Variants in TAFA1 observed in about 807,000 individuals in gnomAD.
The protein encoded by TAFA1 is TAFA chemokine like family member 1, also known as chemokine-like protein TAFA-1.
Under a neutral mutation model 18.5 loss-of-function variants are expected in TAFA1, and 4 were observed. The ratio of observed to expected loss-of-function variants is 0.22; its 90% CI spans 0.11 to 0.49. TAFA1 has a LOEUF of 0.49. Ranked by LOEUF, TAFA1 falls within the 20% of genes least tolerant of loss-of-function variation. The pLI is 0.98. For synonymous variants in TAFA1, 56 were observed against 55.2 expected, an observed-to-expected ratio of 1.01 and a Z score of -0.06; for missense variants, 147 against 169.0, an observed-to-expected ratio of 0.87 and a Z score of 0.72.
chr3:68,229,074 A>G (rs1463803655), intron 2 of TAFA1, among the ~76,000 whole-genome samples: 1 of 152,206 alleles, frequency 6.6e-6, no homozygotes, highest in African/African-American at 2.4e-5. Context: ...TTTAAAAAAC[A>G]GGAGGCTTCA....
intron 2 of TAFA1, among the ~76,000 whole-genome samples, chr3:68,220,727 G>A (rs2066719033): frequency 6.6e-6 from 1 of 152,124 alleles, no homozygotes; most frequent in Non-Finnish European, 1.5e-5. Context: ...AAGATGGATT[G>A]TGGTCTTTGG....
chr3:68,338,374 T>C (rs2069013119), intron 2 of TAFA1, among the ~76,000 whole-genome samples: 1 of 152,246 alleles, frequency 6.6e-6, no homozygotes, highest in Non-Finnish European at 1.5e-5. Flanking sequence ...GTTTCTGAGT[T>C]TAAACAAAAA....
At chr3:68,265,452 A>C (rs1322543310) in intron 2 of TAFA1, among the ~76,000 whole-genome samples, 1 of 152,196 alleles carries the variant, frequency 6.6e-6, no homozygotes, top group Non-Finnish European at 1.5e-5. Flanking sequence ...CATCCTACCA[A>C]GACCAGCTTT....
chr3:68,068,712 G>A (rs1429625685), intron 2 of TAFA1, among the ~76,000 whole-genome samples: 1 of 152,094 alleles, frequency 6.6e-6, no homozygotes, highest in Non-Finnish European at 1.5e-5. Context: ...GGTTCTAGTA[G>A]CGTGGTTTGT....
chr3:68,247,455 A>C (rs541713366), intron 2 of TAFA1: 21 of 152,242 alleles, frequency 1.4e-4, no homozygotes, highest in African/African-American at 5.1e-4. Flanking sequence ...TCAGTTTTGC[A>C]GTGCTTTTTG....
intron 2 of TAFA1, among the ~76,000 whole-genome samples, chr3:68,352,681 A>C (rs188188173): frequency 6.6e-6 from 1 of 152,062 alleles, no homozygotes. Context: ...GGCATGACAT[A>C]TTCTGGTTTC....
At position 68,500,875 on chromosome 3, in the gene TAFA1, G is replaced by A. The variant is rs78515695; in HGVS notation, c.260-37881G>A. Among the ~76,000 whole-genome samples, 11 of 152,028 alleles carry A rather than the reference G, an allele frequency of 7.2e-5. No individual in the cohort carries two copies. The East Asian group carries it at 2.1e-3, about 30-fold the overall frequency. On this transcript the variant is annotated intron_variant, in intron 3 of 4. Transcript: ENST00000478136. ...ATTGAGATTCAGCTATCAAAAGAGG[G>A]GGAAAATGGGCCAGGCATGGTGGCT...
At chr3:68,490,807 A>G (rs1410307555) in intron 3 of TAFA1, among the ~76,000 whole-genome samples, 1 of 151,790 alleles carries the variant, frequency 6.6e-6, no homozygotes, top group East Asian at 1.9e-4. Context: ...GAACAAAGTT[A>G]TTTAGAATCC....
At chr3:68,442,072 T>C (rs2071394026) in intron 3 of TAFA1, among the ~76,000 whole-genome samples, 1 of 152,210 alleles carries the variant, frequency 6.6e-6, no homozygotes, top group South Asian at 2.1e-4. Flanking sequence ...CTGCCCATTA[T>C]GCAGTTGCAA....
At chr3:68,501,062 C>T (rs888976197) in intron 3 of TAFA1, among the ~76,000 whole-genome samples, 4 of 144,514 alleles carry the variant, frequency 2.8e-5, no homozygotes, top group Admixed American at 7.3e-5. Flanking sequence ...GGCTGAGGCA[C>T]GAGAATCACT....
intron 2 of TAFA1, among the ~76,000 whole-genome samples, chr3:68,108,787 T>C: frequency 6.6e-6 from 1 of 152,250 alleles, no homozygotes; most frequent in East Asian, 1.9e-4. Flanking sequence ...TAATTTGTCT[T>C]TTATTATTAT....
At chr3:68,216,087 C>A (rs1007951738) in intron 2 of TAFA1, among the ~76,000 whole-genome samples, 2 of 151,988 alleles carry the variant, frequency 1.3e-5, no homozygotes, top group Non-Finnish European at 2.9e-5. Context: ...ATTATTCCAA[C>A]CACAAAACAT....
At chr3:68,037,063 T>C (rs1379676274) in intron 2 of TAFA1, among the ~76,000 whole-genome samples, 2 of 152,070 alleles carry the variant, frequency 1.3e-5, no homozygotes, top group Non-Finnish European at 2.9e-5. Flanking sequence ...CATAGAGCTA[T>C]GAGGAGACAT....
At chr3:68,095,281 A>G (rs1048380389) in intron 2 of TAFA1, among the ~76,000 whole-genome samples, 1 of 152,186 alleles carries the variant, frequency 6.6e-6, no homozygotes, top group African/African-American at 2.4e-5. Context: ...AAATGGAAAT[A>G]TCTCTGAGTT....
chr3:68,063,277 C>G (rs796557480), intron 2 of TAFA1, among the ~76,000 whole-genome samples: 6 of 152,244 alleles, frequency 3.9e-5, no homozygotes, highest in African/African-American at 1.4e-4. Context: ...ATTACCCAGG[C>G]CCCAGTCACT....
At chr3:68,313,249 AC>A (rs2068552306) in intron 2 of TAFA1, among the ~76,000 whole-genome samples, 1 of 152,196 alleles carries the variant, frequency 6.6e-6, no homozygotes, top group South Asian at 2.1e-4. Flanking sequence ...TTAACAGTAA[AC>A]AATTACATTT....
chr3:68,333,976 C>CA (rs1473917181), intron 2 of TAFA1, among the ~76,000 whole-genome samples: 1 of 152,154 alleles, frequency 6.6e-6, no homozygotes, highest in Non-Finnish European at 1.5e-5. Context: ...ACAAGTAAGA[C>CA]TGTGGTTACC....
intron 3 of TAFA1, among the ~76,000 whole-genome samples, chr3:68,421,232 G>A (rs954088582): frequency 1.3e-5 from 2 of 152,106 alleles, no homozygotes; most frequent in African/African-American, 2.4e-5. Flanking sequence ...GAACCCTTTG[G>A]TGTGGTTGGT....
intron 2 of TAFA1, among the ~76,000 whole-genome samples, chr3:68,139,481 G>C (rs73834845): frequency 0.04 from 6,063 of 152,128 alleles, 170 homozygotes; most frequent in East Asian, 0.1. Context: ...TGGGCACAGT[G>C]GGTCTTGTTA....
Sources: allele counts gnomAD v4.1 joint callset (sites outside exome capture counted in the v4.1 genomes callset), GRCh38; gene constraint gnomAD v4.1.1; transcripts MANE v1.5; gene names NCBI Gene and HGNC (gene_info 2026-07-23, HGNC 2026-07-21).